The following MDGA2 variants were observed in gnomAD, a reference collection of about 807,000 sequenced individuals.
MDGA2 encodes the protein MAM domain containing glycosylphosphatidylinositol anchor 2, also known as MAM domain-containing glycosylphosphatidylinositol anchor protein 2.
MDGA2 carries 40 observed loss-of-function variants against 117.8 expected under a neutral mutation model. The observed-to-expected ratio is 0.34, with a 90% CI of 0.26 to 0.44. MDGA2 has a LOEUF of 0.44. Ranked by LOEUF, MDGA2 falls within the 20% of genes least tolerant of loss-of-function variation. The pLI is 1.00. For synonymous variants in MDGA2, 452 were observed against 439.0 expected (o/e 1.03, Z -0.37); for missense variants, 1,123 against 1,250.6 (o/e 0.90, Z 1.54).
chr14:47,421,598 T>C (rs760931956), intron 1 of MDGA2, among the ~76,000 whole-genome samples: 4 of 152,160 alleles, frequency 2.6e-5, no homozygotes, highest in Non-Finnish European at 4.4e-5. Context: ...GGGAAAATAT[T>C]TATTTTGTAT....
chr14:47,399,680 A>G (rs1053008616), intron 1 of MDGA2, among the ~76,000 whole-genome samples: 2 of 152,182 alleles, frequency 1.3e-5, no homozygotes, highest in Admixed American at 6.5e-5. Context: ...CCCAGCAAAC[A>G]CTGAATGCTC....
chr14:47,253,536 T>C (rs756958585), intron 2 of MDGA2, among the ~76,000 whole-genome samples: 1 of 152,244 alleles, frequency 6.6e-6, no homozygotes, highest in Non-Finnish European at 1.5e-5. Context: ...ATCCAGGGCA[T>C]GCTGATGCAA....
chr14:47,391,354 T>C (rs1312491507), intron 1 of MDGA2, among the ~76,000 whole-genome samples: 1 of 152,166 alleles, frequency 6.6e-6, no homozygotes, highest in Non-Finnish European at 1.5e-5. Context: ...TGGCATTGTT[T>C]TGCCATAGTT....
intron 10 of MDGA2, among the ~76,000 whole-genome samples, chr14:46,901,458 A>G (rs1445528058): frequency 6.6e-6 from 1 of 152,238 alleles, no homozygotes; most frequent in Admixed American, 6.5e-5. Flanking sequence ...CTGTGCATAC[A>G]AAAGTCAGTG....
intron 1 of MDGA2, among the ~76,000 whole-genome samples, chr14:47,369,837 T>C (rs1487588703): frequency 6.6e-6 from 1 of 152,066 alleles, no homozygotes; most frequent in African/African-American, 2.4e-5. Context: ...ATTATCCCAT[T>C]TATATATTTG....
At position 47,001,154 on chromosome 14, in the gene MDGA2, C is replaced by G. The variant is rs577465608; in HGVS notation, c.1819+33857G>C. On this transcript the variant is annotated intron_variant, in intron 8 of 16. Coordinates refer to ENST00000399232, the MANE Select transcript of MDGA2 (RefSeq NM_001113498.3). ...ATCAGGAACAAGATGGAAAAAATTTCAAGCCATTTATGCAGCCAGGTTAGG... is the reference window on the plus strand; with the variant it reads ...ATCAGGAACAAGATGGAAAAAATTTGAAGCCATTTATGCAGCCAGGTTAGG... Among the ~76,000 whole-genome samples, 5 of 151,924 alleles carry G rather than the reference C, an allele frequency of 3.3e-5. No individual in the cohort carries two copies. The East Asian group carries it at 9.7e-4, about 29-fold the overall frequency.
intron 14 of MDGA2, among the ~76,000 whole-genome samples, chr14:46,859,817 C>A (rs1881434786): frequency 6.6e-6 from 1 of 152,022 alleles, no homozygotes. Context: ...ATACGCTTCA[C>A]AATATACATA....
intron 1 of MDGA2, among the ~76,000 whole-genome samples, chr14:47,434,965 G>C (rs1420803997): frequency 6.6e-6 from 1 of 151,972 alleles, no homozygotes; most frequent in Non-Finnish European, 1.5e-5. Context: ...GGGAAAACCT[G>C]TCTGTACTAA....
intron 10 of MDGA2, 117 bp from the exon 11 acceptor site, chr14:46,882,338 C>T (rs546182619): frequency 1.6e-5 from 13 of 789,060 alleles, no homozygotes; most frequent in South Asian, 2.3e-5. Flanking sequence ...TTAATGAATA[C>T]GTATTATTAA....
chr14:46,897,510 T>C (rs924583843), intron 10 of MDGA2, among the ~76,000 whole-genome samples: 1 of 152,142 alleles, frequency 6.6e-6, no homozygotes, highest in Non-Finnish European at 1.5e-5. Context: ...GAAAGCCATC[T>C]GTTGAGAGCC....
chr14:47,250,706 A>C lies in MDGA2; in HGVS notation c.421-32511T>G, dbSNP rs192322465. 1.1e-4 allele frequency among the ~76,000 whole-genome samples: 16 copies of C among 152,330 alleles called. No homozygotes were observed. The South Asian group carries it at 2.9e-3, about 28-fold the overall frequency. On this transcript the variant is annotated intron_variant, in intron 2 of 16. Transcript: ENST00000399232. ...AATTTCTGTTGTTTATAAACCACCC[A>C]GTTCTAAGTTTTTTGTTGTAGCAGC...
At position 47,590,853 on chromosome 14, in the gene MDGA2, T is replaced by C. The variant is rs1015863489; in HGVS notation, c.280+83664A>G. Among the ~76,000 whole-genome samples, 3 of 152,002 alleles carry C rather than the reference T, an allele frequency of 2.0e-5. No homozygotes were observed. In the East Asian group the frequency reaches 5.8e-4, roughly 29 times the overall value. ...CATAAGCAGTATTTCAGGAGAATTA[T>C]ATTAGCACTGCATTAAACAATATTT... On this transcript the variant is annotated intron_variant, in intron 1 of 16. Transcript: ENST00000399232.
chr14:47,400,730 T>TC, intron 1 of MDGA2, among the ~76,000 whole-genome samples: 1 of 143,336 alleles, frequency 7.0e-6, no homozygotes, highest in South Asian at 2.2e-4. Flanking sequence ...AAGGCTTTTT[T>TC]TTTTTTCTTT....
intron 1 of MDGA2, among the ~76,000 whole-genome samples, chr14:47,536,667 A>G (rs75608107): frequency 0.014 from 2,101 of 152,322 alleles, 42 homozygotes; most frequent in East Asian, 0.1. Flanking sequence ...ACAATCCAGA[A>G]CTACTACTAA....
intron 8 of MDGA2, among the ~76,000 whole-genome samples, chr14:47,026,252 G>C (rs1052916411): frequency 2.0e-5 from 3 of 152,122 alleles, no homozygotes; most frequent in Non-Finnish European, 4.4e-5. Flanking sequence ...TCTCTTGCTG[G>C]AGGGAGAGGA....
intron 1 of MDGA2, among the ~76,000 whole-genome samples, chr14:47,522,986 A>T (rs1894900822): frequency 6.6e-6 from 1 of 152,202 alleles, no homozygotes; most frequent in African/African-American, 2.4e-5. Flanking sequence ...CAATCACAAA[A>T]TAACCCACAT....
chr14:47,651,575 C>T (rs1249660658), intron 1 of MDGA2, among the ~76,000 whole-genome samples: 1 of 151,810 alleles, frequency 6.6e-6, no homozygotes, highest in Non-Finnish European at 1.5e-5. Flanking sequence ...ATGTAATCTG[C>T]TGTTTTTTTT....
At chr14:47,159,013 G>C (rs1457860454) in intron 3 of MDGA2, among the ~76,000 whole-genome samples, 1 of 152,190 alleles carries the variant, frequency 6.6e-6, no homozygotes, top group Non-Finnish European at 1.5e-5. Flanking sequence ...CAGTAAAAAG[G>C]CCAGTGGTTG....
intron 1 of MDGA2, among the ~76,000 whole-genome samples, chr14:47,578,644 T>C (rs1004692088): frequency 2.0e-5 from 3 of 152,070 alleles, no homozygotes; most frequent in Non-Finnish European, 4.4e-5. Flanking sequence ...AACAGCAGAG[T>C]TAATATTTTT....
Sources: gnomAD v4.1 joint callset for allele counts (sites outside exome capture counted in the v4.1 genomes callset) on GRCh38, gnomAD v4.1.1 for gene constraint, MANE v1.5 for transcripts, NCBI Gene and HGNC (gene_info 2026-07-23, HGNC 2026-07-21) for gene names.